ST6GAL1: variants seen among roughly 807,000 people sequenced by gnomAD.
ST6GAL1 encodes the protein beta-galactoside alpha-2,6-sialyltransferase 1.
In ST6GAL1, 20 loss-of-function variants were observed where a neutral mutation model predicts 38.0. The ratio of observed to expected loss-of-function variants is 0.53; its 90% confidence interval spans 0.37 to 0.77. ST6GAL1 has a LOEUF of 0.77. ST6GAL1 is among the 30% of genes least tolerant of loss of function. ST6GAL1 has a pLI of 0.00. For missense variants in ST6GAL1, 432 were observed against 496.4 expected, an observed-to-expected ratio of 0.87 and a Z score of 1.23; for synonymous variants, 196 against 188.2, an observed-to-expected ratio of 1.04 and a Z score of -0.34.
intron 4 of ST6GAL1, 52 bp downstream of exon 4, chr3:187,043,362 G>C: frequency 6.4e-7 from 1 of 1,569,284 alleles, no homozygotes; most frequent in South Asian, 1.2e-5. Context: ...GACTGGCTGG[G>C]CATATTGATG....
intron 1 of ST6GAL1, among the ~76,000 whole-genome samples, chr3:186,934,679 A>C (rs544737441): frequency 6.6e-6 from 1 of 152,210 alleles, no homozygotes; most frequent in Non-Finnish European, 1.5e-5. Flanking sequence ...GCATTAAGTC[A>C]CATGATGCAT....
At chr3:186,974,727 G>C (rs1221362461) in intron 2 of ST6GAL1, among the ~76,000 whole-genome samples, 1 of 23,066 alleles carries the variant, frequency 4.3e-5, no homozygotes, top group South Asian at 1.8e-3. Flanking sequence ...GAGCCTGGTT[G>C]GGGGGGGGGC....
intron 5 of ST6GAL1, chr3:187,051,608 C>T: frequency 7.3e-6 from 3 of 411,158 alleles, no homozygotes; most frequent in South Asian, 7.1e-5. Flanking sequence ...GCTGTCCTTG[C>T]TGCTGCAAGG....
intron 1 of ST6GAL1, among the ~76,000 whole-genome samples, chr3:186,938,072 A>AAAATG (rs553279517): frequency 1.4e-3 from 216 of 152,340 alleles, no homozygotes; most frequent in Non-Finnish European, 2.1e-3. Context: ...AGACTGTCTC[A>AAAATG]AAATGAAATG....
intron 1 of ST6GAL1, among the ~76,000 whole-genome samples, chr3:186,932,250 GT>G (rs1713785467): frequency 6.6e-6 from 1 of 152,196 alleles, no homozygotes; most frequent in African/African-American, 2.4e-5. Flanking sequence ...AGGCCGGAGA[GT>G]TCAGCCACTT....
At chr3:187,009,419 C>T (rs1405138604) in intron 2 of ST6GAL1, among the ~76,000 whole-genome samples, 1 of 152,082 alleles carries the variant, frequency 6.6e-6, no homozygotes, top group African/African-American at 2.4e-5. Flanking sequence ...GTAACGGATA[C>T]ATGGTGGTTC....
intron 2 of ST6GAL1, among the ~76,000 whole-genome samples, chr3:187,013,567 A>G (rs1166818227): frequency 6.6e-6 from 1 of 152,148 alleles, no homozygotes; most frequent in Non-Finnish European, 1.5e-5. Context: ...CTAACACTAA[A>G]AGTGGCAACT....
chr3:187,043,332 T>A, intron 4 of ST6GAL1, 22 bp downstream of exon 4: 1 of 1,598,704 alleles, frequency 6.3e-7, no homozygotes, highest in Non-Finnish European at 8.5e-7. Context: ...GGTTGTTCTG[T>A]GAATGGCAGT....
chr3:186,958,850 G>A (rs917144567), intron 1 of ST6GAL1, among the ~76,000 whole-genome samples: 1 of 151,920 alleles, frequency 6.6e-6, no homozygotes, highest in Non-Finnish European at 1.5e-5. Context: ...CTACTCGGGA[G>A]GCTGAGGCAG....
intron 5 of ST6GAL1, among the ~76,000 whole-genome samples, chr3:187,071,574 C>T (rs1048144948): frequency 6.6e-6 from 1 of 151,374 alleles, no homozygotes; most frequent in East Asian, 1.9e-4. Context: ...AAGGTGAAAC[C>T]CCGTCTCTAC....
intron 5 of ST6GAL1, among the ~76,000 whole-genome samples, chr3:187,052,909 C>T: frequency 6.6e-6 from 1 of 152,198 alleles, no homozygotes; most frequent in East Asian, 1.9e-4. Context: ...TTTACACTCC[C>T]ACCCACAGTG....
chr3:186,939,059 A>G (rs1714068614), intron 1 of ST6GAL1, among the ~76,000 whole-genome samples: 1 of 133,544 alleles, frequency 7.5e-6, no homozygotes, highest in African/African-American at 2.9e-5. Flanking sequence ...CAGAAAGTCA[A>G]CCTGGGACCT....
chr3:187,055,120 A>C (rs1718648359), intron 5 of ST6GAL1, among the ~76,000 whole-genome samples: 1 of 151,564 alleles, frequency 6.6e-6, no homozygotes, highest in Non-Finnish European at 1.5e-5. Context: ...GGTAGTTTGT[A>C]TTTCTGTGGG....
chr3:187,068,203 G>T (rs777961355), intron 5 of ST6GAL1, among the ~76,000 whole-genome samples: 23 of 152,152 alleles, frequency 1.5e-4, no homozygotes, highest in Non-Finnish European at 2.9e-4. Context: ...TTAGCTGGGT[G>T]TGGTGGCACA....
chr3:186,976,379 A>G (rs1048363176), intron 2 of ST6GAL1, among the ~76,000 whole-genome samples: 5 of 152,180 alleles, frequency 3.3e-5, no homozygotes, highest in Admixed American at 6.5e-5. Context: ...CTGAGTGCCT[A>G]CTTCTACCAA....
chr3:187,054,181 A>G (rs1437762147), intron 5 of ST6GAL1, among the ~76,000 whole-genome samples: 1 of 152,222 alleles, frequency 6.6e-6, no homozygotes, highest in African/African-American at 2.4e-5. Context: ...GTTGCTTATC[A>G]GCTTGAGGAG....
chr3:186,954,083 T>C (rs2108522333), intron 1 of ST6GAL1, among the ~76,000 whole-genome samples: 1 of 152,310 alleles, frequency 6.6e-6, no homozygotes, highest in Admixed American at 6.5e-5. Context: ...CATATGGTGT[T>C]TGATTTTCTC....
At chr3:186,934,446 C>CA (rs1713867855) in intron 1 of ST6GAL1, among the ~76,000 whole-genome samples, 2 of 144,328 alleles carry the variant, frequency 1.4e-5, no homozygotes, top group African/African-American at 4.9e-5. Context: ...CCTGTGGTCC[C>CA]AGCTACCTGG....
intron 2 of ST6GAL1, among the ~76,000 whole-genome samples, chr3:186,993,583 T>G: frequency 6.8e-6 from 1 of 148,116 alleles, no homozygotes; most frequent in African/African-American, 2.4e-5. Context: ...TTTATTTATT[T>G]ATTTATTTAT....
Sources: allele counts gnomAD v4.1 joint callset (sites outside exome capture counted in the v4.1 genomes callset), GRCh38; gene constraint gnomAD v4.1.1; transcripts MANE v1.5; gene names NCBI Gene and HGNC (gene_info 2026-07-23, HGNC 2026-07-21).